STARD4: variants seen among roughly 807,000 people sequenced by gnomAD.
STARD4 encodes stAR-related lipid transfer protein 4.
In STARD4, 33 loss-of-function variants were observed where a neutral mutation model predicts 24.9. The observed-to-expected ratio is 1.32, with a 90% confidence interval of 1.00 to 1.77. The LOEUF (loss-of-function observed/expected upper bound fraction) is 1.77, where lower values mean the gene tolerates loss of function less well. Ranked by LOEUF, STARD4 falls within the 40% of genes most tolerant of loss-of-function variation. STARD4 has a pLI of 0.00. For synonymous variants in STARD4, 88 were observed against 77.4 expected, an observed-to-expected ratio of 1.14 and a Z score of -0.72; for missense variants, 238 against 249.3, an observed-to-expected ratio of 0.95 and a Z score of 0.31.
In STARD4 at chr5:111,498,645, G is replaced by A. The variant is rs936284741; in HGVS notation, c.*1241C>T. 2 of 151,978 alleles carry A rather than the reference G, an allele frequency of 1.3e-5. No individual in the cohort carries two copies. Among genetic ancestry groups the A allele is most frequent in the African/African-American group, 4.8e-5 (2 of 41,396 alleles). The allele number at this position is 151,978 out of a possible 1,614,324, so 9.4% of individuals were successfully genotyped here. ...CAAAAGTACATTCAATTTAGAAAAG[G>A]ATCCTGGTAATTAATAAATCATTAA... On this transcript the variant is annotated 3_prime_UTR_variant, in exon 6 of 6. Coordinates refer to ENST00000296632, the MANE Select transcript of STARD4 (RefSeq NM_139164.3).
intron 1 of STARD4, among the ~76,000 whole-genome samples, chr5:111,508,170 A>G (rs1238845439): frequency 6.6e-6 from 1 of 152,098 alleles, no homozygotes; most frequent in Non-Finnish European, 1.5e-5. Context: ...AGCCTTCTTA[A>G]GTTACTATTA....
chr5:111,502,094 G>A lies in STARD4; in HGVS notation c.156-6C>T. On this transcript the variant is annotated splice_region_variant and splice_polypyrimidine_tract_variant and intron_variant, in intron 3 of 5. Coordinates refer to ENST00000296632, the MANE Select transcript of STARD4 (RefSeq NM_139164.3). ...TAACACCTTGGGCTTTGTAGCTGGA[G>A]AAAAAAAGTTTAAGTCAACCGCTGT... 1 of 1,604,866 alleles carries A rather than the reference G, an allele frequency of 6.2e-7. No individual in the cohort carries two copies. Among genetic ancestry groups the A allele is most frequent in the Non-Finnish European group, 8.5e-7 (1 of 1,177,144 alleles).
At chr5:111,501,459 A>G (rs1756447181) in intron 4 of STARD4, among the ~76,000 whole-genome samples, 1 of 152,242 alleles carries the variant, frequency 6.6e-6, no homozygotes, top group Non-Finnish European at 1.5e-5. Flanking sequence ...TTTGACTGCA[A>G]CATCAAACAT....
intron 4 of STARD4, 111 bp downstream of exon 4, chr5:111,501,850 CA>C: frequency 1.4e-6 from 2 of 1,427,114 alleles, no homozygotes; most frequent in Non-Finnish European, 1.9e-6. Context: ...CTGCTATTCT[CA>C]AAGCAATGAA....
At chr5:111,500,799 CTGGGAACA>C in intron 5 of STARD4, 195 bp downstream of exon 5, 1 of 1,474,972 alleles carries the variant, frequency 6.8e-7, no homozygotes, top group Non-Finnish European at 8.9e-7. Context: ...TACTGTGTAA[CTGGGAACA>C]AAAACTTATC....
chr5:111,511,695 A>G (rs1345808678), intron 1 of STARD4, among the ~76,000 whole-genome samples: 2 of 152,224 alleles, frequency 1.3e-5, no homozygotes, highest in Non-Finnish European at 2.9e-5. Flanking sequence ...TCTCTCTTGT[A>G]AAACTGTGGA....
Position 111,510,894 on chromosome 5 carries a change from G to T in STARD4, c.-10+1491C>A, listed in dbSNP as rs1561543460. Among the ~76,000 whole-genome samples the T allele has an allele frequency of 6.6e-5, 10 of 152,222 alleles. No homozygotes were observed. In the East Asian group the frequency reaches 1.9e-3, roughly 29 times the overall value. On this transcript the variant is annotated intron_variant, in intron 1 of 5. Coordinates refer to ENST00000296632, the MANE Select transcript of STARD4 (RefSeq NM_139164.3). ...AGTGAATGCCATAAAAATCTGTTTG[G>T]ACTTTTGTAGTACGACTAGGTCAGA... is the stretch of plus-strand genomic sequence containing the variant.
chr5:111,498,859 T>C lies in STARD4; in HGVS notation c.*1027A>G, dbSNP rs983274322. On this transcript the variant is annotated 3_prime_UTR_variant, in exon 6 of 6. Transcript: ENST00000296632. ...CTGTTCCACTTTGTCAAAATGGGTATGAAGAACTTTGATTTATTCTTTCTT... is the reference window on the plus strand; with the variant it reads ...CTGTTCCACTTTGTCAAAATGGGTACGAAGAACTTTGATTTATTCTTTCTT... 6.6e-6 allele frequency: 1 copy of C among 152,168 alleles called. No individual in the cohort carries two copies. The highest frequency in any genetic ancestry group is 1.5e-5 in the Non-Finnish European group (1 of 68,018). 9.4% of individuals were successfully genotyped at this position (152,168 alleles called of 1,614,324 possible).
At position 111,500,042 on chromosome 5, in the gene STARD4, A is replaced by C. The variant is rs567607731; in HGVS notation, c.462T>G (p.Gly154=). The part of the protein sequence containing the change: ...EFVRGYNHPC[G]WFCVPLKDNP... The stretch of plus-strand genomic sequence containing the variant: ...TGTCTTTAAGTGGAACACAAAACCA[A>C]CCACAGGGATGGTTATATCCTCGAA... The change falls in exon 6 of 6, where the codon GGT becomes GGG. Residue 154 remains glycine (G), a synonymous_variant. Transcript: ENST00000296632. 1.1e-5 allele frequency: 17 copies of C among 1,614,196 alleles called. No individual in the cohort carries two copies. In the African/African-American group the frequency reaches 1.5e-4, roughly 14 times the overall value.
In STARD4 at chr5:111,498,521, C is replaced by G. The variant is rs186076074; in HGVS notation, c.*1365G>C. ...AAAACAAATAAAAAATAGATGAAGT[C>G]AAAACTAACATTTACCAATTTCCAT... On this transcript the variant is annotated 3_prime_UTR_variant, in exon 6 of 6. Coordinates refer to ENST00000296632, the MANE Select transcript of STARD4 (RefSeq NM_139164.3). 1.3e-4 allele frequency: 19 copies of G among 151,468 alleles called. No individual in the cohort carries two copies. Among genetic ancestry groups the G allele is most frequent in the African/African-American group, 4.1e-4 (17 of 41,324 alleles). 9.4% of individuals were successfully genotyped at this position (151,468 alleles called of 1,614,324 possible).
At chr5:111,511,407 C>A (rs187011472) in intron 1 of STARD4, among the ~76,000 whole-genome samples, 22 of 152,168 alleles carry the variant, frequency 1.4e-4, no homozygotes, top group African/African-American at 5.3e-4. Flanking sequence ...TTATTTAATC[C>A]TCACAACAGT....
At chr5:111,512,170 G>C in intron 1 of STARD4, 1 of 152,410 alleles carries the variant, frequency 6.6e-6, no homozygotes, top group East Asian at 1.9e-4. Flanking sequence ...CCAGCTCGCC[G>C]CTTCCCCTCC....
Position 111,507,207 on chromosome 5 carries a change from T to G in STARD4, c.105+122A>C. ...TATCAACTTTATTAGCTCAATTATT[T>G]TTCTTGCATATCCATCCAAAGTATG... On this transcript the variant is annotated intron_variant, in intron 2 of 5. Coordinates refer to ENST00000296632, the MANE Select transcript of STARD4 (RefSeq NM_139164.3). The surrounding 1 kb of genome is among the most constrained non-coding windows in gnomAD (Gnocchi z 4.4). The G allele has an allele frequency of 4.1e-6, 3 of 740,512 alleles. No homozygotes were observed. Among genetic ancestry groups the G allele is most frequent in the South Asian group, 3.9e-5 (2 of 51,444 alleles). The allele number at this position is 740,512 out of a possible 1,614,324, so 45.9% of individuals were successfully genotyped here.
At chr5:111,500,753 C>CT in intron 5 of STARD4, 1 of 1,424,138 alleles carries the variant, frequency 7.0e-7, no homozygotes, top group Non-Finnish European at 9.1e-7. Context: ...TAGAGGCAGT[C>CT]ATGTGATCCA....
Position 111,497,637 on chromosome 5 carries a change from T to A in STARD4, c.*2249A>T, listed in dbSNP as rs1014457090. The A allele has an allele frequency of 4.6e-5, 7 of 152,124 alleles. No individual in the cohort carries two copies. Among genetic ancestry groups the A allele is most frequent in the Non-Finnish European group, 1.0e-4 (7 of 67,932 alleles). 9.4% of individuals were successfully genotyped at this position (152,124 alleles called of 1,614,324 possible). On this transcript the variant is annotated 3_prime_UTR_variant, in exon 6 of 6. Transcript: ENST00000296632. ...AAAATTAACTTCAGCTGTTTATTTT[T>A]ATTTTTTAATGTGGCTTCTAGAATT... is the stretch of plus-strand genomic sequence containing the variant.
chr5:111,500,852 T>A, intron 5 of STARD4, 150 bp downstream of exon 5: 1 of 1,546,528 alleles, frequency 6.5e-7, no homozygotes, highest in Non-Finnish European at 8.7e-7. Flanking sequence ...TATTGCTATT[T>A]TACTCCCTAG....
chr5:111,506,513 G>A, intron 2 of STARD4, 134 bp from the exon 3 acceptor site: 1 of 412,030 alleles, frequency 2.4e-6, no homozygotes, highest in Non-Finnish European at 4.4e-6. Context: ...ATACATAAAA[G>A]TCATCTATAC....
chr5:111,512,452 T>TCAA lies in STARD4; in HGVS notation c.-80_-78dup, dbSNP rs1757392924. The TCAA allele has an allele frequency of 6.6e-6, 1 of 152,328 alleles. No homozygotes were observed. The highest frequency in any genetic ancestry group is 1.5e-5 in the Non-Finnish European group (1 of 68,148). The allele number at this position is 152,328 out of a possible 1,614,324, so 9.4% of individuals were successfully genotyped here. The stretch of plus-strand genomic sequence containing the variant: ...CGCTACCAAGCACCTCACACCGCTC[T>TCAA]CAACAGTACTGCTCAGCCTCCCGGC... On this transcript the variant is annotated 5_prime_UTR_variant, in exon 1 of 6. Coordinates refer to ENST00000296632, the MANE Select transcript of STARD4 (RefSeq NM_139164.3).
chr5:111,507,284 T>C lies in STARD4; in HGVS notation c.105+45A>G. ...TTTTAAAAGTCATCAACCAATTCAT[T>C]AGATAGAAGATATACCCCAAATATA... On this transcript the variant is annotated intron_variant, in intron 2 of 5. Transcript: ENST00000296632. The surrounding 1 kb of genome is among the most constrained non-coding windows in gnomAD (Gnocchi z 4.4). The C allele has an allele frequency of 1.3e-6, 2 of 1,489,996 alleles. No homozygotes were observed. Among genetic ancestry groups the C allele is most frequent in the Non-Finnish European group, 1.9e-6 (2 of 1,080,154 alleles). The allele number at this position is 1,489,996 out of a possible 1,614,324, so 92.3% of individuals were successfully genotyped here. A position where few individuals can be genotyped will look rare whatever the true frequency, so the allele number is the denominator to read the frequency against.
Sources: gnomAD v4.1 joint callset for allele counts (sites outside exome capture counted in the v4.1 genomes callset) on GRCh38, gnomAD v4.1.1 for gene constraint, Gnocchi (gnomAD v3.1) non-coding constraint, MANE v1.5 for transcripts, NCBI Gene and HGNC (gene_info 2026-07-23, HGNC 2026-07-21) for gene names.